The following PKD1L3 variants were observed in gnomAD, a reference collection of about 807,000 sequenced individuals.
PKD1L3 encodes polycystin 1 like 3, transient receptor potential channel interacting.
A neutral mutation model predicts 184.1 loss-of-function variants in PKD1L3; 239 were observed. The observed-to-expected ratio is 1.30, with a 90% CI of 1.17 to 1.45. The LOEUF (loss-of-function observed/expected upper bound fraction) is 1.45, where lower values mean the gene tolerates loss of function less well. PKD1L3 is among the 40% of genes most tolerant of loss of function. The pLI is 0.00. For synonymous variants in PKD1L3, 996 were observed against 778.8 expected (o/e 1.28, Z -4.64); for missense variants, 2,660 against 2,067.2 (o/e 1.29, Z -5.56).
At chr16:71,934,821 G>C (rs1322649907) in intron 26 of PKD1L3, among the ~76,000 whole-genome samples, 1 of 152,144 alleles carries the variant, frequency 6.6e-6, no homozygotes, top group East Asian at 1.9e-4. Flanking sequence ...CCAGGCTGTT[G>C]GCCACTGATG....
intron 21 of PKD1L3, among the ~76,000 whole-genome samples, chr16:71,949,139 A>C (rs935273398): frequency 2.0e-5 from 3 of 152,124 alleles, no homozygotes; most frequent in Admixed American, 1.3e-4. Context: ...AATGCATTGT[A>C]CTAGTCTCTA....
At chr16:71,945,392 ATATATATTTATT>A (rs1328633014) in intron 22 of PKD1L3, among the ~76,000 whole-genome samples, 3 of 59,170 alleles carry the variant, frequency 5.1e-5, no homozygotes, top group Non-Finnish European at 7.1e-5. Flanking sequence ...ACATATATAT[ATATATATTTATT>A]TATTTATTTA....
At chr16:71,941,461 A>C (rs1271805223) in intron 24 of PKD1L3, among the ~76,000 whole-genome samples, 2 of 152,108 alleles carry the variant, frequency 1.3e-5, no homozygotes, top group African/African-American at 4.8e-5. Flanking sequence ...CAATGTCAAA[A>C]TGCTAGAAAA....
At chr16:71,996,857 G>A (rs1035484352) in intron 2 of PKD1L3, among the ~76,000 whole-genome samples, 4 of 152,204 alleles carry the variant, frequency 2.6e-5, no homozygotes, top group African/African-American at 7.2e-5. Flanking sequence ...GTTTGTAGCA[G>A]CATGAGAGAA....
chr16:71,978,156 A>G (rs1232129747), intron 10 of PKD1L3, 99 bp downstream of exon 10: 2 of 1,328,612 alleles, frequency 1.5e-6, no homozygotes, highest in Admixed American at 4.5e-5. Flanking sequence ...TGGCACTGCC[A>G]TCAATCTAAC....
intron 4 of PKD1L3, among the ~76,000 whole-genome samples, chr16:71,987,516 G>A (rs944841360): frequency 2.6e-5 from 4 of 152,040 alleles, no homozygotes; most frequent in Non-Finnish European, 5.9e-5. Flanking sequence ...GGGACTACAG[G>A]ACCACATCAC....
chr16:71,964,200 G>C lies in PKD1L3; in HGVS notation c.2466-849C>G, dbSNP rs1426335849. Among the ~76,000 whole-genome samples, 7 of 148,854 alleles carry C rather than the reference G, an allele frequency of 4.7e-5. No homozygotes were observed. The East Asian group carries it at 1.4e-3, about 30-fold the overall frequency. ...GGACACCTGATTATTCAACCTGTTT[G>C]ATTTCACCTCACAACTATTCGGCAA... is the stretch of plus-strand genomic sequence containing the variant. On this transcript the variant is annotated intron_variant, in intron 15 of 29. Coordinates refer to ENST00000620267, the MANE Select transcript of PKD1L3 (RefSeq NM_181536.2).
Position 71,995,102 on chromosome 16 carries a change from T to C in PKD1L3, c.419-1770A>G, listed in dbSNP as rs1460878968. The stretch of plus-strand genomic sequence containing the variant: ...TTTATAAAGAACAGAAATCTAATGC[T>C]CACAGTTCTGGAGGCTGGACGTCCA... On this transcript the variant is annotated intron_variant, in intron 2 of 29. Coordinates refer to ENST00000620267, the MANE Select transcript of PKD1L3 (RefSeq NM_181536.2). Among the ~76,000 whole-genome samples the C allele has an allele frequency of 2.6e-5, 4 of 152,186 alleles. No homozygotes were observed. In the East Asian group the frequency reaches 7.7e-4, roughly 29 times the overall value.
intron 11 of PKD1L3, among the ~76,000 whole-genome samples, chr16:71,974,828 T>C (rs2039858654): frequency 6.6e-6 from 1 of 152,216 alleles, no homozygotes; most frequent in African/African-American, 2.4e-5. Flanking sequence ...TAGAAGTGAT[T>C]GTTCCTGTGT....
At chr16:71,936,021 C>G (rs986905926) in intron 25 of PKD1L3, among the ~76,000 whole-genome samples, 7 of 151,924 alleles carry the variant, frequency 4.6e-5, no homozygotes, top group African/African-American at 9.7e-5. Context: ...GTCTTGAACT[C>G]CTGGCTTCAA....
chr16:71,981,050 G>A (rs533669087), intron 7 of PKD1L3, among the ~76,000 whole-genome samples: 1 of 152,296 alleles, frequency 6.6e-6, no homozygotes, highest in Non-Finnish European at 1.5e-5. Flanking sequence ...GCATGTACCA[G>A]GACTTCATTC....
At chr16:71,945,817 G>A (rs748299270) in intron 22 of PKD1L3, among the ~76,000 whole-genome samples, 19 of 152,138 alleles carry the variant, frequency 1.2e-4, no homozygotes, top group Non-Finnish European at 1.5e-5. Context: ...CACAGAGGAA[G>A]TGACATTTGA....
At chr16:71,948,524 A>G (rs533577657) in intron 21 of PKD1L3, among the ~76,000 whole-genome samples, 15 of 152,258 alleles carry the variant, frequency 9.9e-5, no homozygotes, top group African/African-American at 3.1e-4. Context: ...CCCAGCCACT[A>G]TGGATTTTCT....
chr16:71,998,878 G>C (rs550803771), intron 1 of PKD1L3, among the ~76,000 whole-genome samples: 31 of 152,214 alleles, frequency 2.0e-4, no homozygotes, highest in Non-Finnish European at 4.1e-4. Flanking sequence ...ACAAGGCTTA[G>C]TATTACTTTA....
intron 10 of PKD1L3, 95 bp from the exon 11 acceptor site, chr16:71,977,562 T>TACTA: frequency 1.6e-6 from 1 of 630,238 alleles, no homozygotes; most frequent in Non-Finnish European, 2.4e-6. Flanking sequence ...TCCTAGCTCT[T>TACTA]TTTTTTTTTT....
rs532108659 is a variant in PKD1L3 at position 71,960,670 on chromosome 16, C to G, written c.2612+2535G>C. 2.0e-5 allele frequency among the ~76,000 whole-genome samples: 3 copies of G among 152,218 alleles called. No individual in the cohort carries two copies. In the South Asian group the frequency reaches 6.2e-4, roughly 32 times the overall value. ...AAGGAGAATTAAACTCACAGTCTTT[C>G]CTCTATTGGAAACACAGAGATTAAA... On this transcript the variant is annotated intron_variant, in intron 16 of 29. Transcript: ENST00000620267.
rs1177148172 is a variant in PKD1L3, at chr16:71,930,090, T to C, written c.5020A>G (p.Ile1674Val). 4.5e-6 allele frequency: 7 copies of C among 1,551,538 alleles called. No homozygotes were observed. The African/African-American group carries it at 6.8e-5, about 15-fold the overall frequency. ...CTTTCTTTTCCAAAGGCCATGAGAATGGCCGAAACGAAAAGATTAATTACC... is the reference window on the plus strand; with the variant it reads ...CTTTCTTTTCCAAAGGCCATGAGAACGGCCGAAACGAAAAGATTAATTACC... ...LVVINLFVSA[I>V]LMAFGKERKS... Residue 1674 changes from isoleucine to valine, a missense_variant, in exon 29 of 30, where the codon ATT becomes GTT. Physicochemically the swap from Ile to Val is conservative, Grantham distance 29. Coordinates refer to ENST00000620267, the MANE Select transcript of PKD1L3 (RefSeq NM_181536.2).
At chr16:71,945,305 T>TATAC (rs1328351114) in intron 22 of PKD1L3, among the ~76,000 whole-genome samples, 26 of 59,394 alleles carry the variant, frequency 4.4e-4, no homozygotes, top group Non-Finnish European at 6.6e-4. Context: ...TATATATATA[T>TATAC]ACACACACAC....
At chr16:71,936,209 CTTTTT>C (rs986834363) in intron 25 of PKD1L3, among the ~76,000 whole-genome samples, 8 of 137,374 alleles carry the variant, frequency 5.8e-5, no homozygotes, top group Admixed American at 1.5e-4. Context: ...TTTTTCTTTT[CTTTTT>C]TTTTTTTTGA....
Sources: allele counts gnomAD v4.1 joint callset (sites outside exome capture counted in the v4.1 genomes callset), GRCh38; gene constraint gnomAD v4.1.1; transcripts MANE v1.5; gene names NCBI Gene and HGNC (gene_info 2026-07-23, HGNC 2026-07-21).